Variants in KMT2A observed in about 807,000 individuals in gnomAD.
KMT2A encodes histone-lysine N-methyltransferase 2A.
KMT2A carries 16 observed loss-of-function variants against 345.3 expected under a neutral mutation model. The observed-to-expected ratio is 0.05, with a 90% CI of 0.03 to 0.07. The LOEUF (loss-of-function observed/expected upper bound fraction) is 0.07. KMT2A is among the 10% of genes least tolerant of loss of function. KMT2A has a pLI of 1.00. For synonymous variants in KMT2A, 1,599 were observed against 1,778.6 expected, an observed-to-expected ratio of 0.90 and a Z score of 2.54; for missense variants, 3,272 against 4,841.6, an observed-to-expected ratio of 0.68 and a Z score of 9.62.
chr11:118,524,090 A>C lies in KMT2A; in HGVS notation c.*1918A>C, dbSNP rs1348575746. 1 of 188,706 alleles carries C rather than the reference A, an allele frequency of 5.3e-6. No individual in the cohort carries two copies. The highest frequency in any genetic ancestry group is 2.3e-5 in the African/African-American group (1 of 42,776). The allele number at this position is 188,706 out of a possible 1,614,324, so 11.7% of individuals were successfully genotyped here. ...AATGGCAACTTGACATTTTTGCATC[A>C]CCATCTGCCTCATAGGCCACTCTTT... On this transcript the variant is annotated 3_prime_UTR_variant, in exon 36 of 36. Coordinates refer to ENST00000534358, the MANE Select transcript of KMT2A (RefSeq NM_001197104.2).
At position 118,507,545 on chromosome 11, in the gene KMT2A, G is replaced by A; in HGVS notation, c.10771G>A (p.Ala3591Thr). The A allele has an allele frequency of 6.2e-7, 1 of 1,614,196 alleles. No homozygotes were observed. The highest frequency in any genetic ancestry group is 8.5e-7 in the Non-Finnish European group (1 of 1,180,012). Residue 3591 changes from alanine to threonine, a missense_variant, in exon 28 of 36, where the codon GCT becomes ACT. This residue lies in a region of KMT2A where 748 missense variants were observed against 922.2 expected (regional missense o/e 0.81). Transcript: ENST00000534358. Reference protein sequence around the residue: ...TSGTGTPGAEAEQQDTASVEQ... With the variant: ...TSGTGTPGAETEQQDTASVEQ... ...GTGTTCCAGGACTCCAGGAGCAGAGGCTGAGCAGCAGGATACAGCTAGCGT... is the reference window on the plus strand; with the variant it reads ...GTGTTCCAGGACTCCAGGAGCAGAGACTGAGCAGCAGGATACAGCTAGCGT...
chr11:118,481,288 T>A (rs1341857730), intron 6 of KMT2A, among the ~76,000 whole-genome samples: 1 of 152,164 alleles, frequency 6.6e-6, no homozygotes, highest in Non-Finnish European at 1.5e-5. Context: ...TCTCTCTGTC[T>A]CTATCTCCAT....
At chr11:118,486,540 C>T (rs1378044380) in intron 10 of KMT2A, among the ~76,000 whole-genome samples, 4 of 152,044 alleles carry the variant, frequency 2.6e-5, no homozygotes, top group Admixed American at 6.6e-5. Flanking sequence ...ACCTCTTTGG[C>T]TTATTACTTA....
In KMT2A at chr11:118,502,523, C is replaced by G; in HGVS notation, c.6631C>G (p.Arg2211Gly). The change falls in exon 27 of 36, where the codon CGG (arginine) becomes GGG (glycine). Residue 2211 changes from arginine to glycine, a missense_variant. Arg to Gly is a moderately radical substitution (Grantham distance 125, BLOSUM62 -2). Transcript: ENST00000534358. The surrounding 1 kb of genome is among the most constrained non-coding windows in gnomAD (Gnocchi z 4.9). ...CTTATCACCCCAGCGGTCCAAACTC[C>G]GGATAATGTCTCCAATGAGAACTGG... ...SSLSPQRSKL[R>G]IMSPMRTGNT... 1 of 1,614,120 alleles carries G rather than the reference C, an allele frequency of 6.2e-7. No homozygotes were observed.
At position 118,504,326 on chromosome 11, in the gene KMT2A, A is replaced by G. The variant is rs1950547838; in HGVS notation, c.8434A>G (p.Arg2812Gly). The G allele has an allele frequency of 1.2e-6, 2 of 1,614,198 alleles. No individual in the cohort carries two copies. Among genetic ancestry groups the G allele is most frequent in the East Asian group, 4.5e-5 (2 of 44,878 alleles). The change falls in exon 27 of 36, where the codon AGA becomes GGA. Residue 2812 changes from arginine to glycine, a missense_variant. Around this residue, in one of 27 missense-constraint regions of KMT2A, gnomAD observed 100 missense variants for 101.3 expected, o/e 0.99. Transcript: ENST00000534358. The surrounding 1 kb of genome is among the most constrained non-coding windows in gnomAD (Gnocchi z 6.4). ...GCTCAGCTCATTGGAGTCAAGCCGC[A>G]GAGTCCACACAAGTACCCCCTCCGA... ...AQLSSLESSRRVHTSTPSDKN... is the reference protein window; with the variant it reads ...AQLSSLESSRGVHTSTPSDKN...
At chr11:118,477,498 C>CTTTTGTTTTTTTTTTTT (rs1950058654) in intron 4 of KMT2A, among the ~76,000 whole-genome samples, 1 of 56,926 alleles carries the variant, frequency 1.8e-5, no homozygotes. Context: ...AAGTTATTGG[C>CTTTTGTTTTTTTTTTTT]TTTTTTTTTT....
At position 118,523,183 on chromosome 11, in the gene KMT2A, C is replaced by T. The variant is rs1462147450; in HGVS notation, c.*1011C>T. 4.4e-6 allele frequency: 1 copy of T among 228,508 alleles called. No homozygotes were observed. Among genetic ancestry groups the T allele is most frequent in the Admixed American group, 5.7e-5 (1 of 17,592 alleles). The allele number at this position is 228,508 out of a possible 1,614,324, so 14.2% of individuals were successfully genotyped here. On this transcript the variant is annotated 3_prime_UTR_variant, in exon 36 of 36. Coordinates refer to ENST00000534358, the MANE Select transcript of KMT2A (RefSeq NM_001197104.2). Reference sequence around the variant, plus strand: ...TTATTTAAATAGGATTTAAATCATGCAACAACGAGAGTATCACAGCCAGGA... The same window carrying T: ...TTATTTAAATAGGATTTAAATCATGTAACAACGAGAGTATCACAGCCAGGA...
chr11:118,473,701 G>T lies in KMT2A; in HGVS notation c.2542G>T (p.Gly848Trp). The T allele has an allele frequency of 6.2e-7, 1 of 1,614,148 alleles. No individual in the cohort carries two copies. The highest frequency in any genetic ancestry group is 8.5e-7 in the Non-Finnish European group (1 of 1,180,048). ...TACCCCAGGCTCTCAGACTGAAAGA[G>T]GGAGAAATAAAGACAAGGCCCCCGA... ...WFTPGSQTER[G>W]RNKDKAPEEL... The change falls in exon 3 of 36, where the codon GGG becomes TGG. Residue 848 changes from glycine to tryptophan, a missense_variant. Physicochemically the swap from Gly to Trp is radical, Grantham distance 184 (BLOSUM62 -2). Around this residue, in one of 27 missense-constraint regions of KMT2A, gnomAD observed 209 missense variants for 237.4 expected, o/e 0.88. Transcript: ENST00000534358. The surrounding 1 kb of genome is among the most constrained non-coding windows in gnomAD (Gnocchi z 5.2).
intron 1 of KMT2A, chr11:118,439,069 C>T (rs1555139506): frequency 1.9e-6 from 1 of 513,210 alleles, no homozygotes. Flanking sequence ...AGGCCACATA[C>T]ATGACAAAAA....
intron 22 of KMT2A, 134 bp from the exon 23 acceptor site, chr11:118,499,169 G>A (rs544814728): frequency 1.2e-5 from 8 of 660,816 alleles, no homozygotes; most frequent in South Asian, 1.2e-4. Flanking sequence ...GGGAAATACA[G>A]AAGTGTCCTG....
chr11:118,452,873 C>T (rs1409506946), intron 1 of KMT2A, among the ~76,000 whole-genome samples: 1 of 152,110 alleles, frequency 6.6e-6, no homozygotes, highest in Non-Finnish European at 1.5e-5. Context: ...ACCTCGTGAT[C>T]TGCCCACCTC....
chr11:118,446,367 G>A (rs1277248980), intron 1 of KMT2A, among the ~76,000 whole-genome samples: 1 of 152,072 alleles, frequency 6.6e-6, no homozygotes, highest in Non-Finnish European at 1.5e-5. Context: ...GAAAAGAAAA[G>A]AAAAGAAAAG....
chr11:118,490,890 G>A lies in KMT2A; in HGVS notation c.4697-306G>A, dbSNP rs1432735092. Among the ~76,000 whole-genome samples the A allele has an allele frequency of 2.0e-5, 3 of 152,096 alleles. No homozygotes were observed. The highest frequency in any genetic ancestry group is 7.2e-5 in the African/African-American group (3 of 41,406). The stretch of plus-strand genomic sequence containing the variant: ...ATATTTAAATATTTCTTACAAATGT[G>A]TGAGAAACTTCTCTCTTCCATTCTT... On this transcript the variant is annotated intron_variant, in intron 13 of 35. Coordinates refer to ENST00000534358, the MANE Select transcript of KMT2A (RefSeq NM_001197104.2). The surrounding 1 kb of genome is among the most constrained non-coding windows in gnomAD (Gnocchi z 4.2).
rs781871743 is a variant in KMT2A at position 118,488,706 on chromosome 11, T to C, written c.4425T>C (p.Cys1475=). The C allele has an allele frequency of 5.0e-6, 8 of 1,614,174 alleles. No homozygotes were observed. The highest frequency in any genetic ancestry group is 1.1e-5 in the South Asian group (1 of 91,080). The part of the protein sequence containing the change: ...RPLEDQLENW[C]CRRCKFCHVC... ...TGGAGGACCAGCTGGAAAATTGGTG[T>C]TGTCGTCGTTGCAAATTCTGTCACG... Residue 1475 remains cysteine (C), a synonymous_variant, in exon 11 of 36, where the codon TGT becomes TGC. Coordinates refer to ENST00000534358, the MANE Select transcript of KMT2A (RefSeq NM_001197104.2).
Position 118,496,113 on chromosome 11 carries a change from G to A in KMT2A, c.5558-148G>A, listed in dbSNP as rs1235145832. The A allele has an allele frequency of 1.4e-5, 10 of 712,088 alleles. No individual in the cohort carries two copies. Among genetic ancestry groups the A allele is most frequent in the African/African-American group, 3.6e-5 (2 of 56,098 alleles). 44.1% of individuals were successfully genotyped at this position (712,088 alleles called of 1,614,324 possible). A position where few individuals can be genotyped will look rare whatever the true frequency, so the allele number is the denominator to read the frequency against. ...ATTGTAACATAGATGATGAGGTAGCGTAACTCTGAACACTTTTTGAAAAGT... is the reference window on the plus strand; with the variant it reads ...ATTGTAACATAGATGATGAGGTAGCATAACTCTGAACACTTTTTGAAAAGT... On this transcript the variant is annotated intron_variant, in intron 19 of 35. Transcript: ENST00000534358. This position sits in a 1 kb window ranked among gnomAD's most constrained non-coding sequence, Gnocchi z 4.7.
chr11:118,512,914 CTTA>C (rs1950721532), intron 31 of KMT2A, among the ~76,000 whole-genome samples: 1 of 151,892 alleles, frequency 6.6e-6, no homozygotes, highest in African/African-American at 2.4e-5. Context: ...AGCATACAAA[CTTA>C]TTAATACACT....
chr11:118,483,029 T>C (rs906504699), intron 8 of KMT2A, among the ~76,000 whole-genome samples: 2 of 151,184 alleles, frequency 1.3e-5, no homozygotes, highest in African/African-American at 4.9e-5. Flanking sequence ...GGTCAGGAGT[T>C]GGAGACCAGC....
intron 22 of KMT2A, 44 bp from the exon 23 acceptor site, chr11:118,499,259 G>A (rs782512467): frequency 8.4e-7 from 1 of 1,186,216 alleles, no homozygotes; most frequent in Non-Finnish European, 1.3e-6. Flanking sequence ...AGTATAATGT[G>A]CAAAGGGACA....
intron 2 of KMT2A, 92 bp downstream of exon 2, chr11:118,468,936 T>C: frequency 2.2e-6 from 2 of 921,812 alleles, no homozygotes; most frequent in Non-Finnish European, 3.5e-6. Context: ...AAGGATGCTC[T>C]ACCATACTTG....
Sources: gnomAD v4.1 joint callset for allele counts (sites outside exome capture counted in the v4.1 genomes callset) on GRCh38, gnomAD v4.1.1 for gene constraint, gnomAD v4.1.1 regional missense constraint, Gnocchi (gnomAD v3.1) non-coding constraint, MANE v1.5 for transcripts, NCBI Gene and HGNC (gene_info 2026-07-23, HGNC 2026-07-21) for gene names.